The following GP2 variants were observed in gnomAD, a reference collection of about 807,000 sequenced individuals.
GP2 encodes glycoprotein 2.
A neutral mutation model predicts 60.8 loss-of-function variants in GP2; 58 were observed. The observed-to-expected ratio is 0.95, with a 90% CI of 0.77 to 1.19. GP2 has a LOEUF of 1.19. GP2 is among the 50% of genes most tolerant of loss of function. The pLI, the probability that GP2 is intolerant of heterozygous loss-of-function variation, is 0.00. For missense variants in GP2, 647 were observed against 667.4 expected (o/e 0.97, Z 0.34); for synonymous variants, 280 against 253.4 (o/e 1.10, Z -1.00).
chr16:20,317,671 A>G (rs1596521847), intron 7 of GP2, among the ~76,000 whole-genome samples: 1 of 152,200 alleles, frequency 6.6e-6, no homozygotes, highest in Non-Finnish European at 1.5e-5. Context: ...ACAGTAATAT[A>G]CACTTTATGA....
In GP2 at chr16:20,323,942, C is replaced by T. The variant is rs145297751; in HGVS notation, c.409G>A (p.Ala137Thr). 5,429 of 1,614,106 alleles carry T rather than the reference C, an allele frequency of 3.4e-3. 19 individuals are homozygous for T. The highest frequency in any genetic ancestry group is 3.5e-3 in the Admixed American group (212 of 60,032). Residue 137 changes from alanine to threonine, a missense_variant, in exon 3 of 11, where the codon GCC (alanine) becomes ACC (threonine). Transcript: ENST00000302555. ...CAGTTGCCACTCCAATGGGCACAGG[C>T]AGTGTGGTTGGTGATGCCATCCCCA... ...ALGDGITNHT[A>T]CAHWSGNCCF...
intron 4 of GP2, 31 bp downstream of exon 4, chr16:20,322,838 A>T: frequency 2.5e-6 from 3 of 1,189,042 alleles, no homozygotes; most frequent in Non-Finnish European, 3.8e-6. Flanking sequence ...CCCCCTCAGG[A>T]TGGTAGTTAC....
intron 3 of GP2, 62 bp from the exon 4 acceptor site, chr16:20,323,041 C>G (rs1393973032): frequency 1.2e-6 from 1 of 860,796 alleles, no homozygotes; most frequent in Non-Finnish European, 2.0e-6. Flanking sequence ...TTGAGGCCCC[C>G]AAGTCCAACC....
Position 20,320,145 on chromosome 16 carries a change from C to T in GP2, c.858+117G>A, listed in dbSNP as rs1964308571. The T allele has an allele frequency of 6.7e-6, 5 of 746,086 alleles. No homozygotes were observed. The Admixed American group carries it at 8.7e-5, about 13-fold the overall frequency. The allele number at this position is 746,086 out of a possible 1,614,324, so 46.2% of individuals were successfully genotyped here. On this transcript the variant is annotated intron_variant, in intron 5 of 10. Transcript: ENST00000302555. ...ATGTAAACCAACTTGTGCACTCTCA[C>T]ACAACCCTGGGGGCTCAGGGAAGCT... is the stretch of plus-strand genomic sequence containing the variant.
Position 20,316,019 on chromosome 16 carries a change from GGACTTGACTTCTT to G in GP2, c.1425_1437del (p.Arg476AlafsTer9), listed in dbSNP as rs1446046565. 1 of 1,611,954 alleles carries G rather than the reference GGACTTGACTTCTT, an allele frequency of 6.2e-7. No individual in the cohort carries two copies. Among genetic ancestry groups the G allele is most frequent in the East Asian group, 2.2e-5 (1 of 44,868 alleles). ...AGGTCGATGGCCGGTACTTCACTGC[GGACTTGACTTCTT>G]GAGCAAGACTGTAGGGATGATGAAC... On this transcript the variant is annotated frameshift_variant, in exon 9 of 11. Transcript: ENST00000302555. LOFTEE classifies it high-confidence loss of function.
At chr16:20,326,107 A>T in intron 2 of GP2, 1 of 554,308 alleles carries the variant, frequency 1.8e-6, no homozygotes, top group Non-Finnish European at 3.2e-6. Context: ...ATGGGAAATT[A>T]TGTTAACTGG....
Position 20,319,601 on chromosome 16 carries a change from G to T in GP2, c.1007+19C>A. 1.3e-6 allele frequency: 2 copies of T among 1,595,674 alleles called. No homozygotes were observed. The highest frequency in any genetic ancestry group is 1.1e-5 in the South Asian group (1 of 90,600). On this transcript the variant is annotated intron_variant, in intron 6 of 10. Transcript: ENST00000302555. ...TATTGCCAGGGTTATGGGTCAAAGG[G>T]CAAGGGTCAATGCCATACCTTACAA...
At position 20,324,181 on chromosome 16, in the gene GP2, T is replaced by C; in HGVS notation, c.170A>G (p.His57Arg). 6.2e-7 allele frequency: 1 copy of C among 1,613,820 alleles called. No homozygotes were observed. The highest frequency in any genetic ancestry group is 8.5e-7 in the Non-Finnish European group (1 of 1,179,674). ...DCGAPGTPEA[H>R]VCFDPCQNYT... ...ATTCTGACAGGGGTCAAAACAGACATGAGCCTCTGGGGTGCCAGGAGCTCC... is the reference window on the plus strand; with the variant it reads ...ATTCTGACAGGGGTCAAAACAGACACGAGCCTCTGGGGTGCCAGGAGCTCC... The change falls in exon 3 of 11, where the codon CAT becomes CGT. Residue 57 changes from histidine (H) to arginine (R), a missense_variant. Physicochemically the swap from His to Arg is conservative, Grantham distance 29. Transcript: ENST00000302555.
At chr16:20,317,969 C>T (rs1021912238) in intron 7 of GP2, among the ~76,000 whole-genome samples, 4 of 152,084 alleles carry the variant, frequency 2.6e-5, no homozygotes, top group African/African-American at 7.2e-5. Context: ...CCAAAGTTAT[C>T]AACGATATTG....
chr16:20,327,299 T>C, intron 1 of GP2, 168 bp downstream of exon 1: 1 of 364,252 alleles, frequency 2.7e-6, no homozygotes, highest in South Asian at 2.2e-5. Context: ...ACTGGAAGCA[T>C]GACTGAGTTG....
chr16:20,311,098 C>G lies in GP2; in HGVS notation c.*125G>C. The stretch of plus-strand genomic sequence containing the variant: ...GTGAAAGCTCTTCCCTTTTCCTAAC[C>G]TAGCTTGGCCTTGATTCTATTAATA... On this transcript the variant is annotated 3_prime_UTR_variant, in exon 11 of 11. Transcript: ENST00000302555. 4 of 660,188 alleles carry G rather than the reference C, an allele frequency of 6.1e-6. No individual in the cohort carries two copies. The highest frequency in any genetic ancestry group is 1.1e-5 in the Non-Finnish European group (4 of 362,770). 40.9% of individuals were successfully genotyped at this position (660,188 alleles called of 1,614,324 possible).
chr16:20,320,291 GGA>G lies in GP2; in HGVS notation c.827_828del (p.Val276AlafsTer3), dbSNP rs1262748244. On this transcript the variant is annotated frameshift_variant, in exon 5 of 11. Transcript: ENST00000302555. LOFTEE classifies it high-confidence loss of function. Reference sequence around the variant, plus strand: ...AGAATGTTCCTGCAGGCACTAGCCTGGACGGGGCTGGTCACAGATACCCAGTT... The same window carrying G: ...AGAATGTTCCTGCAGGCACTAGCCTGCGGGGCTGGTCACAGATACCCAGTT... Reference protein sequence around the residue: ...ERNWVSVTSPVQASACRNILE... With the variant: ...ERNWVSVTSPXQASACRNILE... 3.7e-6 allele frequency: 6 copies of G among 1,613,922 alleles called. No homozygotes were observed. The South Asian group carries it at 6.6e-5, about 18-fold the overall frequency.
chr16:20,321,972 C>T (rs925851531), intron 4 of GP2, among the ~76,000 whole-genome samples: 14 of 152,208 alleles, frequency 9.2e-5, no homozygotes, highest in Admixed American at 7.8e-4. Context: ...GAAAACCACA[C>T]TGAATCTCTG....
rs1240280054 is a variant in GP2, at chr16:20,324,113, C to G, written c.238G>C (p.Ala80Pro). 1.9e-6 allele frequency: 3 copies of G among 1,614,158 alleles called. No homozygotes were observed. The highest frequency in any genetic ancestry group is 2.5e-6 in the Non-Finnish European group (3 of 1,179,962). Residue 80 changes from alanine (A) to proline (P), a missense_variant, in exon 3 of 11, where the codon GCA (alanine) becomes CCA (proline). Physicochemically the swap from Ala to Pro is conservative, Grantham distance 27. Coordinates refer to ENST00000302555, the MANE Select transcript of GP2 (RefSeq NM_001502.4). ...TTTTTATCGCACCCCTGGGACCCTG[C>G]TGAGTTCTCTGTGCTTCGGAAGGGT... is the stretch of plus-strand genomic sequence containing the variant. ...DEPFRSTENSAGSQGCDKNMS... is the reference protein window; with the variant it reads ...DEPFRSTENSPGSQGCDKNMS...
Position 20,310,289 on chromosome 16 carries a change from A to C in GP2, c.*934T>G, listed in dbSNP as rs929880874. 3.3e-5 allele frequency: 5 copies of C among 152,096 alleles called. No homozygotes were observed. Among genetic ancestry groups the C allele is most frequent in the African/African-American group, 1.2e-4 (5 of 41,396 alleles). The allele number at this position is 152,096 out of a possible 1,614,324, so 9.4% of individuals were successfully genotyped here. On this transcript the variant is annotated 3_prime_UTR_variant, in exon 11 of 11. Transcript: ENST00000302555. ...CTTGGGTGATGGAGTTTCTGCATCAAATTAAGTCATTCCTCCAGCATCTAG... is the reference window on the plus strand; with the variant it reads ...CTTGGGTGATGGAGTTTCTGCATCACATTAAGTCATTCCTCCAGCATCTAG...
At chr16:20,321,676 T>G (rs540909048) in intron 4 of GP2, among the ~76,000 whole-genome samples, 11 of 152,104 alleles carry the variant, frequency 7.2e-5, no homozygotes, top group African/African-American at 2.7e-4. Flanking sequence ...GGAGATGGGA[T>G]AGAGGGAATG....
rs1388263925 is a variant in GP2, at chr16:20,311,052, C to T, written c.*171G>A. On this transcript the variant is annotated 3_prime_UTR_variant, in exon 11 of 11. Coordinates refer to ENST00000302555, the MANE Select transcript of GP2 (RefSeq NM_001502.4). ...GATTACAGGCATGAGCCACTGCGCC[C>T]AGCCGAGAGTTTTAAAGAAGGTGAA... 1.5e-5 allele frequency: 8 copies of T among 525,676 alleles called. No homozygotes were observed. The East Asian group carries it at 2.7e-4, about 18-fold the overall frequency. 32.6% of individuals were successfully genotyped at this position (525,676 alleles called of 1,614,324 possible).
chr16:20,324,342 G>T, intron 2 of GP2, 86 bp from the exon 3 acceptor site: 1 of 820,226 alleles, frequency 1.2e-6, no homozygotes, highest in Non-Finnish European at 2.0e-6. Flanking sequence ...TATTTTGGCT[G>T]TGCTAAGGAC....
At chr16:20,326,154 T>C (rs1964527578) in intron 2 of GP2, 184 bp downstream of exon 2, 1 of 596,762 alleles carries the variant, frequency 1.7e-6, no homozygotes, top group African/African-American at 1.9e-5. Context: ...CTGATTAGGC[T>C]CTTTGAGAGA....
Sources: gnomAD v4.1 joint callset for allele counts (sites outside exome capture counted in the v4.1 genomes callset) on GRCh38, gnomAD v4.1.1 for gene constraint, MANE v1.5 for transcripts, NCBI Gene and HGNC (gene_info 2026-07-23, HGNC 2026-07-21) for gene names.